The following SCLT1 variants were observed in gnomAD, a reference collection of about 807,000 sequenced individuals.
SCLT1 encodes sodium channel and clathrin linker 1, also known as sodium channel-associated protein 1.
Under a neutral mutation model 112.8 loss-of-function variants are expected in SCLT1, and 78 were observed. That is an observed-to-expected ratio of 0.69 (90% CI 0.58 to 0.83). The LOEUF (loss-of-function observed/expected upper bound fraction) is 0.83. Among genes scored for constraint, SCLT1 ranks in the 40% least tolerant of loss-of-function variants. The pLI is 0.00. For missense variants in SCLT1, 747 were observed against 770.4 expected, an observed-to-expected ratio of 0.97 and a Z score of 0.36; for synonymous variants, 257 against 254.7, an observed-to-expected ratio of 1.01 and a Z score of -0.09.
chr4:129,042,738 C>A (rs1376163770), intron 4 of SCLT1, among the ~76,000 whole-genome samples: 1 of 152,122 alleles, frequency 6.6e-6, no homozygotes, highest in Non-Finnish European at 1.5e-5. Flanking sequence ...CTCGACCTCC[C>A]AGGCTGCTCA....
intron 9 of SCLT1, among the ~76,000 whole-genome samples, chr4:128,978,202 C>T (rs1741348708): frequency 6.6e-6 from 1 of 151,832 alleles, no homozygotes; most frequent in Admixed American, 6.6e-5. Flanking sequence ...AGTTTACTGT[C>T]AAAAAATAAA....
intron 9 of SCLT1, among the ~76,000 whole-genome samples, chr4:128,983,826 A>G (rs1741873925): frequency 6.6e-6 from 1 of 152,210 alleles, no homozygotes; most frequent in South Asian, 2.1e-4. Context: ...GTACAAACTT[A>G]AACAACTCTA....
Position 128,936,871 on chromosome 4 carries a change from C to A in SCLT1, c.1633-20G>T, listed in dbSNP as rs372271490. 2 of 1,314,018 alleles carry A rather than the reference C, an allele frequency of 1.5e-6. No homozygotes were observed. 81.4% of individuals were successfully genotyped at this position (1,314,018 alleles called of 1,614,324 possible). On this transcript the variant is annotated intron_variant, in intron 17 of 20. Coordinates refer to ENST00000281142, the MANE Select transcript of SCLT1 (RefSeq NM_144643.4). Reference sequence around the variant, plus strand: ...ACTGATCTAAAGAATAAAATGAAAACGTATTTTCTTTTTCTTTTCTTATAG... The same window carrying A: ...ACTGATCTAAAGAATAAAATGAAAAAGTATTTTCTTTTTCTTTTCTTATAG...
At chr4:128,875,627 A>AACTT (rs1383459127) in intron 4 of SCLT1, among the ~76,000 whole-genome samples, 1 of 152,220 alleles carries the variant, frequency 6.6e-6, no homozygotes, top group Non-Finnish European at 1.5e-5. Flanking sequence ...ACATCTTAGT[A>AACTT]ACTTAGATAT....
intron 9 of SCLT1, among the ~76,000 whole-genome samples, chr4:128,982,562 C>T (rs1297757435): frequency 6.6e-6 from 1 of 152,104 alleles, no homozygotes; most frequent in East Asian, 1.9e-4. Context: ...AGTACAATGG[C>T]ACAATCTCAG....
chr4:129,072,406 T>C (rs1278949930), intron 2 of SCLT1, among the ~76,000 whole-genome samples: 1 of 152,216 alleles, frequency 6.6e-6, no homozygotes, highest in Non-Finnish European at 1.5e-5. Flanking sequence ...ATTTCCAAGC[T>C]TTTAGAATTC....
intron 17 of SCLT1, among the ~76,000 whole-genome samples, chr4:128,940,560 A>G (rs1737604297): frequency 6.6e-6 from 1 of 152,062 alleles, no homozygotes; most frequent in African/African-American, 2.4e-5. Context: ...TTGGAAATAT[A>G]GTTTTTAATG....
intron 2 of SCLT1, among the ~76,000 whole-genome samples, chr4:129,067,500 A>AT (rs372572089): frequency 2.0e-3 from 298 of 152,014 alleles, no homozygotes; most frequent in Non-Finnish European, 3.5e-3. Context: ...TTATACTTTA[A>AT]AAAGATTAAG....
At chr4:128,969,478 A>T (rs1390923804) in intron 10 of SCLT1, among the ~76,000 whole-genome samples, 1 of 152,122 alleles carries the variant, frequency 6.6e-6, no homozygotes, top group Non-Finnish European at 1.5e-5. Flanking sequence ...AGGCTGAGGC[A>T]GGAGGACGGC....
chr4:129,002,460 T>C (rs1039687995), intron 6 of SCLT1, among the ~76,000 whole-genome samples: 1 of 152,074 alleles, frequency 6.6e-6, no homozygotes, highest in Non-Finnish European at 1.5e-5. Context: ...GTACTCTTAA[T>C]ATTCTGAAAA....
rs1733072615 is a variant in SCLT1, at chr4:128,888,614, TG to T, written c.2004+64del. ...AGTAAAAATAAACTATTAAGTTCCC[TG>T]GGAACTTCTAAAAAACTTATCTTTG... On this transcript the variant is annotated intron_variant, in intron 20 of 20. Transcript: ENST00000281142. The T allele has an allele frequency of 4.7e-6, 4 of 850,712 alleles. No individual in the cohort carries two copies. The African/African-American group carries it at 5.2e-5, about 11-fold the overall frequency. The allele number at this position is 850,712 out of a possible 1,614,324, so 52.7% of individuals were successfully genotyped here.
intron 1 of SCLT1, among the ~76,000 whole-genome samples, chr4:129,083,517 C>G (rs1438490001): frequency 3.3e-5 from 5 of 150,490 alleles, no homozygotes; most frequent in Admixed American, 3.3e-4. Context: ...TTTGGCCAGG[C>G]ATGGTAGCTC....
At chr4:128,996,083 G>C (rs574442979) in intron 8 of SCLT1, among the ~76,000 whole-genome samples, 1 of 152,144 alleles carries the variant, frequency 6.6e-6, no homozygotes, top group South Asian at 2.1e-4. Flanking sequence ...TCCCTCCCCT[G>C]GGTGAAGCTG....
At chr4:128,927,954 CAAT>C (rs1201427512) in intron 18 of SCLT1, among the ~76,000 whole-genome samples, 1 of 151,554 alleles carries the variant, frequency 6.6e-6, no homozygotes, top group Non-Finnish European at 1.5e-5. Flanking sequence ...ATTAAATGGA[CAAT>C]AATATGAAAA....
chr4:129,009,219 GTTCT>G (rs150890818), intron 5 of SCLT1, among the ~76,000 whole-genome samples: 1,933 of 152,204 alleles, frequency 0.013, 23 homozygotes, highest in Middle Eastern at 0.027. Flanking sequence ...TCTGTTTTGA[GTTCT>G]TTGAGATCCA....
intron 4 of SCLT1, chr4:129,039,704 A>G (rs1747500862): frequency 6.2e-6 from 1 of 160,384 alleles, no homozygotes; most frequent in African/African-American, 2.4e-5. Context: ...AATACAAGGC[A>G]GAATAAAATG....
At chr4:128,969,448 T>C (rs552398633) in intron 10 of SCLT1, among the ~76,000 whole-genome samples, 1 of 152,158 alleles carries the variant, frequency 6.6e-6, no homozygotes, top group African/African-American at 2.4e-5. Context: ...GGCGTGCACC[T>C]GTAGTCCCAG....
intron 2 of SCLT1, among the ~76,000 whole-genome samples, chr4:129,067,745 C>G (rs1750616469): frequency 6.6e-6 from 1 of 152,082 alleles, no homozygotes; most frequent in Admixed American, 6.6e-5. Context: ...CTCCTGACCT[C>G]AAGCGATCCA....
intron 18 of SCLT1, among the ~76,000 whole-genome samples, chr4:128,910,586 G>A (rs376739474): frequency 3.9e-5 from 6 of 151,934 alleles, no homozygotes; most frequent in Admixed American, 1.3e-4. Flanking sequence ...TGGTTAGATC[G>A]ATTAATCACT....
Sources: gnomAD v4.1 joint callset for allele counts (sites outside exome capture counted in the v4.1 genomes callset) on GRCh38, gnomAD v4.1.1 for gene constraint, MANE v1.5 for transcripts, NCBI Gene and HGNC (gene_info 2026-07-23, HGNC 2026-07-21) for gene names.